Variants in MDGA2 observed in about 807,000 individuals in gnomAD.
MDGA2 encodes the protein MAM domain-containing glycosylphosphatidylinositol anchor protein 2.
A neutral mutation model predicts 117.8 loss-of-function variants in MDGA2; 40 were observed. That is an observed-to-expected ratio of 0.34 (90% confidence interval 0.26 to 0.44). The LOEUF (loss-of-function observed/expected upper bound fraction) is 0.44, where lower values mean the gene tolerates loss of function less well. MDGA2 is among the 20% of genes least tolerant of loss of function. The probability of loss-of-function intolerance (pLI) is 1.00; values close to 1 mark genes in which losing one functional copy is unlikely to be tolerated. For synonymous variants in MDGA2, 452 were observed against 439.0 expected (o/e 1.03, Z -0.37); for missense variants, 1,123 against 1,250.6 (o/e 0.90, Z 1.54).
At chr14:46,854,682 C>T (rs1354619196) in intron 15 of MDGA2, among the ~76,000 whole-genome samples, 1 of 151,488 alleles carries the variant, frequency 6.6e-6, no homozygotes, top group Non-Finnish European at 1.5e-5. Flanking sequence ...AATTGATTAC[C>T]AAGTTCCATT....
intron 10 of MDGA2, among the ~76,000 whole-genome samples, chr14:46,906,180 A>G (rs1457504141): frequency 6.6e-6 from 1 of 151,910 alleles, no homozygotes; most frequent in Non-Finnish European, 1.5e-5. Context: ...GAAAGGAATG[A>G]CATTTTTCTT....
chr14:46,865,927 G>T lies in MDGA2; in HGVS notation c.2752+7506C>A, dbSNP rs1367049867. ...AAATGGAAGAACATTCCATGCTCAT[G>T]GGTAGGAAGAATCAATATCATGAAA... On this transcript the variant is annotated intron_variant, in intron 14 of 16. Coordinates refer to ENST00000399232, the MANE Select transcript of MDGA2 (RefSeq NM_001113498.3). Among the ~76,000 whole-genome samples the T allele has an allele frequency of 3.3e-5, 5 of 151,300 alleles. No homozygotes were observed. In the South Asian group the frequency reaches 8.3e-4, roughly 25 times the overall value.
At chr14:47,109,872 G>A (rs983979947) in intron 5 of MDGA2, among the ~76,000 whole-genome samples, 1 of 152,094 alleles carries the variant, frequency 6.6e-6, no homozygotes, top group Non-Finnish European at 1.5e-5. Context: ...TTAGGATCCG[G>A]GAGATAGAGG....
intron 2 of MDGA2, among the ~76,000 whole-genome samples, chr14:47,228,450 T>C (rs1190754651): frequency 1.3e-5 from 2 of 152,150 alleles, no homozygotes; most frequent in African/African-American, 4.8e-5. Flanking sequence ...TTTTGATCTT[T>C]TCAATAAATT....
chr14:47,467,750 T>G (rs1391067396), intron 1 of MDGA2, among the ~76,000 whole-genome samples: 1 of 152,054 alleles, frequency 6.6e-6, no homozygotes, highest in African/African-American at 2.4e-5. Flanking sequence ...AATAAGTATG[T>G]GTGTGTGTGT....
intron 1 of MDGA2, among the ~76,000 whole-genome samples, chr14:47,514,695 T>C (rs546311966): frequency 6.6e-6 from 1 of 152,262 alleles, no homozygotes; most frequent in African/African-American, 2.4e-5. Context: ...ATAGGAATAA[T>C]AGTCCCAACT....
intron 3 of MDGA2, among the ~76,000 whole-genome samples, chr14:47,171,603 T>C (rs1169764651): frequency 6.6e-6 from 1 of 152,234 alleles, no homozygotes; most frequent in Non-Finnish European, 1.5e-5. Flanking sequence ...TTTGAATGCA[T>C]GCTGCTAATC....
intron 15 of MDGA2, among the ~76,000 whole-genome samples, chr14:46,853,684 A>G (rs189571225): frequency 1.3e-5 from 2 of 151,862 alleles, no homozygotes; most frequent in Admixed American, 1.3e-4. Context: ...GTGGTATATT[A>G]TGACCTTGGT....
chr14:46,944,473 G>T (rs1183137824), intron 9 of MDGA2, among the ~76,000 whole-genome samples: 1 of 151,684 alleles, frequency 6.6e-6, no homozygotes, highest in African/African-American at 2.4e-5. Flanking sequence ...TGTGCACCAT[G>T]ATATGCTTGG....
chr14:47,072,102 G>GT (rs139558164), intron 6 of MDGA2, among the ~76,000 whole-genome samples: 5 of 34,318 alleles, frequency 1.5e-4, no homozygotes, highest in African/African-American at 3.8e-4. Flanking sequence ...GTTGTTGTTT[G>GT]GGGGGGGGGG....
chr14:47,396,572 T>A (rs1385389401), intron 1 of MDGA2, among the ~76,000 whole-genome samples: 1 of 151,916 alleles, frequency 6.6e-6, no homozygotes, highest in Non-Finnish European at 1.5e-5. Flanking sequence ...TGGGAGAAAA[T>A]TTTTGCAATC....
chr14:46,921,914 T>C (rs1884147292), intron 9 of MDGA2, among the ~76,000 whole-genome samples: 1 of 151,934 alleles, frequency 6.6e-6, no homozygotes, highest in African/African-American at 2.4e-5. Context: ...ATTGGGGAGG[T>C]AAAAGTCTAG....
At chr14:46,958,121 T>C (rs1475416326) in intron 8 of MDGA2, among the ~76,000 whole-genome samples, 4 of 152,110 alleles carry the variant, frequency 2.6e-5, no homozygotes, top group Non-Finnish European at 5.9e-5. Flanking sequence ...AATTCTACAG[T>C]GCTAAGTAAA....
chr14:47,057,434 C>T (rs983773315), intron 7 of MDGA2, among the ~76,000 whole-genome samples: 1 of 151,492 alleles, frequency 6.6e-6, no homozygotes, highest in Non-Finnish European at 1.5e-5. Flanking sequence ...GTAGCAATAA[C>T]ACAGGAAAGA....
At chr14:47,541,691 G>A (rs76751662) in intron 1 of MDGA2, among the ~76,000 whole-genome samples, 4 of 152,102 alleles carry the variant, frequency 2.6e-5, no homozygotes, top group African/African-American at 4.8e-5. Context: ...CCTCTTAATC[G>A]CTCTGAGAGC....
At chr14:47,166,623 A>C (rs542552502) in intron 3 of MDGA2, among the ~76,000 whole-genome samples, 59 of 152,314 alleles carry the variant, frequency 3.9e-4, no homozygotes, top group Admixed American at 4.6e-4. Flanking sequence ...AAGAGATACA[A>C]CCAAGAGAGA....
Position 47,493,611 on chromosome 14 carries a change from C to A in MDGA2, c.280+180906G>T, listed in dbSNP as rs566922795. ...GGGATTACAGGTGTGAGCCACCGGA[C>A]CTGGCCTAAATCATCTAAAATAGTT... On this transcript the variant is annotated intron_variant, in intron 1 of 16. Coordinates refer to ENST00000399232, the MANE Select transcript of MDGA2 (RefSeq NM_001113498.3). Among the ~76,000 whole-genome samples, 15 of 152,130 alleles carry A rather than the reference C, an allele frequency of 9.9e-5. No individual in the cohort carries two copies. The South Asian group carries it at 2.9e-3, about 29-fold the overall frequency.
chr14:47,577,585 A>C (rs1180581757), intron 1 of MDGA2, among the ~76,000 whole-genome samples: 2 of 152,190 alleles, frequency 1.3e-5, no homozygotes, highest in African/African-American at 4.8e-5. Context: ...AACTTAAACA[A>C]ATTTACAAGA....
intron 8 of MDGA2, among the ~76,000 whole-genome samples, chr14:46,973,750 C>A (rs183937288): frequency 6.6e-6 from 1 of 152,074 alleles, no homozygotes; most frequent in African/African-American, 2.4e-5. Context: ...ACTAAAATTA[C>A]CTCTGTTTGC....
Sources: allele counts gnomAD v4.1 joint callset (sites outside exome capture counted in the v4.1 genomes callset), GRCh38; gene constraint gnomAD v4.1.1; transcripts MANE v1.5; gene names NCBI Gene and HGNC (gene_info 2026-07-23, HGNC 2026-07-21).